CIROZ: variants seen among roughly 807,000 people sequenced by gnomAD.
CIROZ encodes the protein ciliated left-right organizer protein containing ZP-N domains.
At chr1:10,979,579 G>A in the CIROZ span, among the ~76,000 whole-genome samples, 2 of 138,486 alleles carry the variant, frequency 1.4e-5, no homozygotes, top group Non-Finnish European at 2.9e-5. Flanking sequence ...TCGACCCAGC[G>A]CTTCCTCTCC....
the CIROZ span, chr1:10,949,883 G>A: frequency 7.3e-7 from 1 of 1,363,460 alleles, no homozygotes; most frequent in South Asian, 1.5e-5. Flanking sequence ...CCCTGCTGAA[G>A]GGACCATGAG....
At chr1:10,957,006 G>A in the CIROZ span, 6 of 1,544,374 alleles carry the variant, frequency 3.9e-6, no homozygotes, top group Non-Finnish European at 5.3e-6. Flanking sequence ...GACATTAGGG[G>A]CACTCCTGGG....
the CIROZ span, among the ~76,000 whole-genome samples, chr1:10,977,956 G>A: frequency 2.6e-5 from 4 of 152,108 alleles, no homozygotes; most frequent in South Asian, 6.2e-4. Context: ...ATCACCTGAG[G>A]TCAGGAGTTT....
the CIROZ span, chr1:10,957,799 C>T: frequency 2.2e-5 from 35 of 1,584,678 alleles, 1 homozygote; most frequent in Middle Eastern, 3.4e-4. Context: ...CAGGGAGGCA[C>T]GGTCACTAGG....
At chr1:10,948,998 G>A in the CIROZ span, 1 of 639,148 alleles carries the variant, frequency 1.6e-6, no homozygotes, top group East Asian at 3.0e-5. Context: ...GCCAAGGCGG[G>A]TGGATCACTT....
chr1:10,964,222 C>A, the CIROZ span: 3 of 1,614,214 alleles, frequency 1.9e-6, no homozygotes, highest in South Asian at 3.3e-5. Flanking sequence ...CCGCTCCAAC[C>A]CCATCACCCC....
chr1:10,955,870 A>G, the CIROZ span, among the ~76,000 whole-genome samples: 5 of 151,812 alleles, frequency 3.3e-5, no homozygotes, highest in Non-Finnish European at 5.9e-5. Flanking sequence ...AAAGAAAGAA[A>G]TACAGCTCCT....
the CIROZ span, chr1:10,955,098 G>A: frequency 1.2e-6 from 2 of 1,614,000 alleles, no homozygotes; most frequent in Non-Finnish European, 8.5e-7. Flanking sequence ...TGAGGCTCAG[G>A]GTTTCCTCAA....
At chr1:10,980,955 C>T in the CIROZ span, among the ~76,000 whole-genome samples, 2 of 152,250 alleles carry the variant, frequency 1.3e-5, no homozygotes, top group Non-Finnish European at 2.9e-5. Flanking sequence ...TTCTCCACTG[C>T]CTTCATTGTC....
chr1:10,953,852 G>C, the CIROZ span, among the ~76,000 whole-genome samples: 8 of 152,168 alleles, frequency 5.3e-5, no homozygotes, highest in African/African-American at 1.9e-4. Context: ...TCTTCTGCCA[G>C]TTCCAGCCAG....
At chr1:10,954,071 G>A in the CIROZ span, 187 of 1,613,678 alleles carry the variant, frequency 1.2e-4, 2 homozygotes, top group South Asian at 1.5e-3. Flanking sequence ...CAGCCATCTC[G>A]GCAAATTCCA....
the CIROZ span, chr1:10,948,157 G>A: frequency 1.4e-5 from 22 of 1,613,646 alleles, no homozygotes; most frequent in Non-Finnish European, 1.7e-5. Flanking sequence ...CTCGCTGGCA[G>A]GATGGAGAGT....
At chr1:10,947,846 C>T in the CIROZ span, 28 of 1,602,020 alleles carry the variant, frequency 1.7e-5, no homozygotes, top group East Asian at 2.2e-5. Flanking sequence ...TGGGAGCCCA[C>T]AGGCTCAGGG....
the CIROZ span, among the ~76,000 whole-genome samples, chr1:10,953,326 C>T: frequency 1.1e-4 from 16 of 152,296 alleles, no homozygotes; most frequent in East Asian, 1.9e-4. Flanking sequence ...TTGTGAATTA[C>T]GTGCATTTCC....
the CIROZ span, among the ~76,000 whole-genome samples, chr1:10,980,683 G>C: frequency 6.6e-6 from 1 of 152,170 alleles, no homozygotes; most frequent in Admixed American, 6.5e-5. Flanking sequence ...GTGGCAGGTG[G>C]GGGGTAGACA....
the CIROZ span, among the ~76,000 whole-genome samples, chr1:10,954,578 A>G: frequency 6.6e-6 from 1 of 151,966 alleles, no homozygotes; most frequent in Admixed American, 6.6e-5. Context: ...GGGCCTGAGG[A>G]GCATACATGG....
At chr1:10,951,191 C>T in the CIROZ span, among the ~76,000 whole-genome samples, 4 of 152,092 alleles carry the variant, frequency 2.6e-5, no homozygotes, top group Non-Finnish European at 5.9e-5. Context: ...CCCAGCACTT[C>T]GGGAGGCCAA....
chr1:10,964,671 C>T, the CIROZ span, among the ~76,000 whole-genome samples: 2 of 152,352 alleles, frequency 1.3e-5, no homozygotes, highest in South Asian at 4.1e-4. Flanking sequence ...CATTCAGTCA[C>T]CCAGGCTGGA....
At chr1:10,966,584 G>A in the CIROZ span, 1 of 1,289,166 alleles carries the variant, frequency 7.8e-7, no homozygotes, top group Non-Finnish European at 1.0e-6. Context: ...GCTCCGCCTG[G>A]AAGCTTCTTA....
Sources: allele counts gnomAD v4.1 joint callset (sites outside exome capture counted in the v4.1 genomes callset), GRCh38; gene constraint gnomAD v4.1.1; transcripts MANE v1.5; gene names NCBI Gene and HGNC (gene_info 2026-07-23, HGNC 2026-07-21).